Variants in NBEA observed in about 807,000 individuals in gnomAD.
NBEA encodes the protein lysosomal-trafficking regulator 2.
In NBEA, 44 loss-of-function variants were observed where a neutral mutation model predicts 343.4. The observed-to-expected ratio is 0.13, with a 90% confidence interval of 0.10 to 0.16. The LOEUF (loss-of-function observed/expected upper bound fraction) is 0.16, where lower values mean the gene tolerates loss of function less well. Ranked by LOEUF, NBEA falls within the 10% of genes least tolerant of loss-of-function variation. The pLI, the probability that NBEA is intolerant of heterozygous loss-of-function variation, is 1.00. For synonymous variants in NBEA, 1,175 were observed against 1,238.7 expected (o/e 0.95, Z 1.08); for missense variants, 2,555 against 3,631.3 (o/e 0.70, Z 7.62).
chr13:35,376,332 T>C (rs1566047131), intron 38 of NBEA, among the ~76,000 whole-genome samples: 1 of 152,186 alleles, frequency 6.6e-6, no homozygotes, highest in Non-Finnish European at 1.5e-5. Flanking sequence ...TTGTTGTCTC[T>C]TTCATTTTAA....
intron 34 of NBEA, among the ~76,000 whole-genome samples, chr13:35,248,913 G>T (rs1028878015): frequency 5.3e-5 from 8 of 152,134 alleles, no homozygotes; most frequent in African/African-American, 1.9e-4. Context: ...ACTTTGGGAG[G>T]CCGAGGCAGG....
intron 30 of NBEA, among the ~76,000 whole-genome samples, chr13:35,187,746 C>G (rs1298872078): frequency 6.6e-6 from 1 of 151,962 alleles, no homozygotes; most frequent in East Asian, 1.9e-4. Context: ...CATAAAATTT[C>G]TAGTAGTATT....
intron 36 of NBEA, among the ~76,000 whole-genome samples, chr13:35,314,721 C>T (rs773633356): frequency 6.6e-6 from 1 of 152,162 alleles, no homozygotes; most frequent in African/African-American, 2.4e-5. Flanking sequence ...ACCTTTCTTG[C>T]TCAGTTTCCC....
intron 1 of NBEA, among the ~76,000 whole-genome samples, chr13:35,016,025 C>T (rs1421153004): frequency 6.6e-6 from 1 of 152,022 alleles, no homozygotes; most frequent in African/African-American, 2.4e-5. Context: ...AGAATTGAAG[C>T]AAATAACTAG....
At chr13:35,347,166 C>G (rs1195014924) in intron 36 of NBEA, among the ~76,000 whole-genome samples, 4 of 151,766 alleles carry the variant, frequency 2.6e-5, no homozygotes, top group African/African-American at 9.7e-5. Context: ...ATTTATGTAT[C>G]AGTAAAGAAG....
intron 28 of NBEA, among the ~76,000 whole-genome samples, chr13:35,181,050 C>G (rs1470619166): frequency 6.6e-6 from 1 of 151,806 alleles, no homozygotes; most frequent in Non-Finnish European, 1.5e-5. Context: ...ATATATACCA[C>G]AGTTTCTTTA....
At chr13:35,611,942 G>A (rs1285671498) in intron 48 of NBEA, among the ~76,000 whole-genome samples, 2 of 152,070 alleles carry the variant, frequency 1.3e-5, no homozygotes, top group Non-Finnish European at 2.9e-5. Flanking sequence ...TAGAATTGCT[G>A]GGTCATATGG....
chr13:34,950,401 T>C (rs1593262103), intron 1 of NBEA, among the ~76,000 whole-genome samples: 1 of 152,166 alleles, frequency 6.6e-6, no homozygotes, highest in East Asian at 1.9e-4. Context: ...TCAAGTCAGT[T>C]TTATCTCCAG....
intron 40 of NBEA, among the ~76,000 whole-genome samples, chr13:35,459,758 C>G (rs73497916): frequency 6.6e-6 from 1 of 151,900 alleles, no homozygotes; most frequent in Non-Finnish European, 1.5e-5. Flanking sequence ...TGTGGGAAGA[C>G]GAAAGAATTC....
chr13:35,217,937 T>G (rs1157333970), intron 33 of NBEA, among the ~76,000 whole-genome samples: 1 of 152,090 alleles, frequency 6.6e-6, no homozygotes, highest in Non-Finnish European at 1.5e-5. Context: ...GACTCAGGTT[T>G]TGGGAAATTT....
chr13:35,535,466 T>TA (rs2078492413), intron 41 of NBEA, among the ~76,000 whole-genome samples: 1 of 152,096 alleles, frequency 6.6e-6, no homozygotes, highest in Non-Finnish European at 1.5e-5. Context: ...GATCAGAGAA[T>TA]AAAGTACACT....
At chr13:35,085,265 G>T (rs2064684904) in intron 10 of NBEA, among the ~76,000 whole-genome samples, 1 of 152,000 alleles carries the variant, frequency 6.6e-6, no homozygotes, top group Non-Finnish European at 1.5e-5. Flanking sequence ...CCAAAGCCTG[G>T]CAGAGACACA....
chr13:35,018,775 A>G (rs1473677548), intron 1 of NBEA, among the ~76,000 whole-genome samples: 2 of 152,160 alleles, frequency 1.3e-5, no homozygotes, highest in Non-Finnish European at 1.5e-5. Context: ...CATCCATGAT[A>G]ACACTGAATA....
intron 45 of NBEA, among the ~76,000 whole-genome samples, chr13:35,580,224 A>C (rs2080954383): frequency 6.6e-6 from 1 of 152,164 alleles, no homozygotes; most frequent in African/African-American, 2.4e-5. Context: ...AATAAATCTA[A>C]AAACAGGCTT....
At chr13:35,010,048 G>A (rs1396124129) in intron 1 of NBEA, among the ~76,000 whole-genome samples, 1 of 152,128 alleles carries the variant, frequency 6.6e-6, no homozygotes, top group Non-Finnish European at 1.5e-5. Context: ...TCTTGGCCCT[G>A]TTCAGTTTTA....
chr13:35,171,178 T>G (rs1256558886), intron 25 of NBEA, 94 bp from the exon 26 acceptor site: 1 of 961,072 alleles, frequency 1.0e-6, no homozygotes, highest in Non-Finnish European at 1.6e-6. Context: ...GTAAATATAC[T>G]AAATTTATGT....
chr13:35,230,655 A>T (rs989584158), intron 33 of NBEA, among the ~76,000 whole-genome samples: 3 of 152,132 alleles, frequency 2.0e-5, no homozygotes, highest in Admixed American at 6.6e-5. Context: ...GAAATTGTAG[A>T]TTCAAAAAAG....
chr13:35,383,320 C>T (rs2042096108), intron 38 of NBEA, among the ~76,000 whole-genome samples: 1 of 152,102 alleles, frequency 6.6e-6, no homozygotes, highest in Non-Finnish European at 1.5e-5. Context: ...AAAATAATAT[C>T]AGCCAGGACC....
At chr13:35,462,261 T>C (rs1490434267) in intron 40 of NBEA, among the ~76,000 whole-genome samples, 2 of 151,810 alleles carry the variant, frequency 1.3e-5, no homozygotes, top group African/African-American at 4.8e-5. Flanking sequence ...GAAGAGATAA[T>C]GAAAAAAATA....
Sources: gnomAD v4.1 joint callset for allele counts (sites outside exome capture counted in the v4.1 genomes callset) on GRCh38, gnomAD v4.1.1 for gene constraint, MANE v1.5 for transcripts, NCBI Gene and HGNC (gene_info 2026-07-23, HGNC 2026-07-21) for gene names.